Variants in METTL15 observed in about 807,000 individuals in gnomAD.
The protein encoded by METTL15 is 12S rRNA N(4)-cytidine methyltransferase METTL15.
Under a neutral mutation model 38.3 loss-of-function variants are expected in METTL15, and 34 were observed. The observed-to-expected ratio is 0.89, with a 90% CI of 0.68 to 1.18. The LOEUF is 1.18. Ranked by LOEUF, METTL15 falls within the 50% of genes most tolerant of loss-of-function variation. The pLI is 0.00. For missense variants in METTL15, 438 were observed against 498.4 expected (o/e 0.88, Z 1.15); for synonymous variants, 162 against 170.9 (o/e 0.95, Z 0.41).
In METTL15 at chr11:28,492,113, TAGAACA is replaced by T. The variant is rs200688792; in HGVS notation, c.*425-34361_*425-34356del. 6.0e-3 allele frequency among the ~76,000 whole-genome samples: 914 copies of T among 152,306 alleles called. 7 individuals are homozygous for T. The highest frequency in any genetic ancestry group is 0.022 in the African/African-American group (896 of 41,572). ...TCTGAGCACAAAAGTATGGCTGGTT[TAGAACA>T]AGATGTTTTTTGCTATCAGAGAAGC... On this transcript the variant is annotated intron_variant and NMD_transcript_variant, in intron 6 of 7. Transcript: ENST00000532947.
chr11:28,381,127 C>A (rs892298464), intron 5 of METTL15, among the ~76,000 whole-genome samples: 6 of 152,090 alleles, frequency 3.9e-5, no homozygotes, highest in Non-Finnish European at 7.4e-5. Flanking sequence ...CTCAGCCTCC[C>A]AAGTAGCTGT....
At chr11:28,493,834 T>C (rs1035320047) in intron 6 of METTL15, among the ~76,000 whole-genome samples, 2 of 152,218 alleles carry the variant, frequency 1.3e-5, no homozygotes, top group African/African-American at 4.8e-5. Flanking sequence ...TCCCATTCTC[T>C]GCTCATCAAC....
At chr11:28,195,556 G>A (rs566860353) in intron 3 of METTL15, among the ~76,000 whole-genome samples, 2 of 152,026 alleles carry the variant, frequency 1.3e-5, no homozygotes, top group South Asian at 4.2e-4. Context: ...ATTTTAATGG[G>A]ATTGTTTTCT....
chr11:28,378,943 G>A (rs978582490), intron 5 of METTL15, among the ~76,000 whole-genome samples: 1 of 151,868 alleles, frequency 6.6e-6, no homozygotes, highest in African/African-American at 2.4e-5. Flanking sequence ...TCATAGGTCA[G>A]TCCTGGTAAG....
At chr11:28,428,389 G>A (rs1850883508) in intron 6 of METTL15, among the ~76,000 whole-genome samples, 1 of 152,166 alleles carries the variant, frequency 6.6e-6, no homozygotes, top group South Asian at 2.1e-4. Context: ...CGACCAAAAT[G>A]TTATTTAGTG....
Position 28,122,319 on chromosome 11 carries a change from A to G in METTL15, c.270+8715A>G, listed in dbSNP as rs185465504. The G allele has an allele frequency of 1.5e-3, 607 of 396,224 alleles. 4 individuals carry two copies. The highest frequency in any genetic ancestry group is 2.3e-3 in the Non-Finnish European group (519 of 230,480). The allele number at this position is 396,224 out of a possible 1,614,324, so 24.5% of individuals were successfully genotyped here. ...TGGTTATCTCTTCAAATCCTAGTATATAGATGTGTGTATATGTGTGTGTGT... is the reference window on the plus strand; with the variant it reads ...TGGTTATCTCTTCAAATCCTAGTATGTAGATGTGTGTATATGTGTGTGTGT... On this transcript the variant is annotated intron_variant, in intron 3 of 6. Transcript: ENST00000407364.
rs548944512 is a variant in METTL15, at chr11:28,162,699, T to C, written c.271-48363T>C. Among the ~76,000 whole-genome samples, 4 of 152,186 alleles carry C rather than the reference T, an allele frequency of 2.6e-5. No homozygotes were observed. In the South Asian group the frequency reaches 8.3e-4, roughly 32 times the overall value. On this transcript the variant is annotated intron_variant, in intron 3 of 6. Coordinates refer to ENST00000407364, the MANE Select transcript of METTL15 (RefSeq NM_001113528.2). ...TCTGGACTCTTCTATTAGCCTATAGTTGGGCAAAATCATCAAACAAAGCCT... is the reference window on the plus strand; with the variant it reads ...TCTGGACTCTTCTATTAGCCTATAGCTGGGCAAAATCATCAAACAAAGCCT...
chr11:28,376,404 C>T (rs1173263088), intron 5 of METTL15, among the ~76,000 whole-genome samples: 1 of 151,910 alleles, frequency 6.6e-6, no homozygotes, highest in African/African-American at 2.4e-5. Flanking sequence ...GAATTGATCC[C>T]TTTACCATTA....
At chr11:28,497,789 T>C (rs1851548301) in intron 6 of METTL15, among the ~76,000 whole-genome samples, 5 of 152,120 alleles carry the variant, frequency 3.3e-5, no homozygotes, top group Admixed American at 3.3e-4. Flanking sequence ...CTGGATGCGG[T>C]GACTCACACC....
intron 6 of METTL15, among the ~76,000 whole-genome samples, chr11:28,300,312 CAT>C (rs756019310): frequency 2.0e-5 from 3 of 152,096 alleles, no homozygotes; most frequent in Non-Finnish European, 2.9e-5. Context: ...GTTCCAGACA[CAT>C]ATTAAAATCC....
intron 6 of METTL15, among the ~76,000 whole-genome samples, chr11:28,456,502 C>T (rs555191701): frequency 1.4e-4 from 21 of 151,630 alleles, no homozygotes; most frequent in African/African-American, 4.6e-4. Context: ...AGTGCAGTGG[C>T]GCGATCTCAG....
chr11:28,375,534 G>A (rs1447850116), intron 5 of METTL15, among the ~76,000 whole-genome samples: 1 of 151,844 alleles, frequency 6.6e-6, no homozygotes, highest in Non-Finnish European at 1.5e-5. Context: ...ATTTTTTATT[G>A]TGTCTATTTG....
chr11:28,305,288 C>T (rs1054652053), intron 6 of METTL15, among the ~76,000 whole-genome samples: 2 of 152,126 alleles, frequency 1.3e-5, no homozygotes, highest in Admixed American at 6.6e-5. Flanking sequence ...AAATGGGGAG[C>T]AGGGAATGTT....
At chr11:28,478,798 T>G (rs899459035) in intron 6 of METTL15, among the ~76,000 whole-genome samples, 1 of 152,168 alleles carries the variant, frequency 6.6e-6, no homozygotes, top group Non-Finnish European at 1.5e-5. Context: ...TTCTAGTTTT[T>G]GGGAGGTTCC....
At chr11:28,226,934 T>G (rs1853503595) in intron 4 of METTL15, among the ~76,000 whole-genome samples, 2 of 151,890 alleles carry the variant, frequency 1.3e-5, no homozygotes, top group Admixed American at 1.3e-4. Flanking sequence ...AAAGACAACT[T>G]GGAAAAATTA....
intron 4 of METTL15, among the ~76,000 whole-genome samples, chr11:28,251,579 T>C (rs1348157886): frequency 3.3e-5 from 5 of 152,052 alleles, no homozygotes; most frequent in South Asian, 2.1e-4. Flanking sequence ...TCACATATAC[T>C]AGGTAGTATC....
chr11:28,256,917 T>C (rs907112539), intron 4 of METTL15, among the ~76,000 whole-genome samples: 1 of 152,156 alleles, frequency 6.6e-6, no homozygotes, highest in Non-Finnish European at 1.5e-5. Context: ...ATAATTTGTT[T>C]CAAGAATTTT....
chr11:28,304,991 A>G (rs1417112090), intron 6 of METTL15, among the ~76,000 whole-genome samples: 1 of 152,166 alleles, frequency 6.6e-6, no homozygotes, highest in African/African-American at 2.4e-5. Context: ...CCAATATATC[A>G]TAGTTGTCAT....
At chr11:28,424,038 TC>T (rs1850844432) in intron 5 of METTL15, among the ~76,000 whole-genome samples, 2 of 152,014 alleles carry the variant, frequency 1.3e-5, no homozygotes, top group Admixed American at 6.6e-5. Flanking sequence ...ACAAAAAACT[TC>T]CATAAAACCT....
Sources: gnomAD v4.1 joint callset for allele counts (sites outside exome capture counted in the v4.1 genomes callset) on GRCh38, gnomAD v4.1.1 for gene constraint, MANE v1.5 for transcripts, NCBI Gene and HGNC (gene_info 2026-07-23, HGNC 2026-07-21) for gene names.